Variants in PAG1 observed in about 807,000 individuals in gnomAD.
The protein encoded by PAG1 is phosphoprotein associated with glycosphingolipid-enriched microdomains 1.
A neutral mutation model predicts 31.7 loss-of-function variants in PAG1; 23 were observed. The ratio of observed to expected loss-of-function variants is 0.73; its 90% CI spans 0.52 to 1.03. PAG1 has a LOEUF of 1.03. Ranked by LOEUF, PAG1 falls within the 50% of genes least tolerant of loss-of-function variation. The probability of loss-of-function intolerance (pLI) is 0.00; values close to 1 mark genes in which losing one functional copy is unlikely to be tolerated. For synonymous variants in PAG1, 214 were observed against 210.3 expected (o/e 1.02, Z -0.15); for missense variants, 473 against 540.7 (o/e 0.87, Z 1.24).
At chr8:81,053,032 T>G (rs1808758223) in intron 2 of PAG1, among the ~76,000 whole-genome samples, 1 of 152,236 alleles carries the variant, frequency 6.6e-6, no homozygotes, top group Non-Finnish European at 1.5e-5. Context: ...TCTTCATCAG[T>G]TATTATAGCA....
chr8:81,021,128 G>C (rs1194988705), intron 3 of PAG1, among the ~76,000 whole-genome samples: 2 of 152,202 alleles, frequency 1.3e-5, no homozygotes. Context: ...GCTGGATTTG[G>C]TCTCCAGCTT....
Position 80,999,995 on chromosome 8 carries a change from C to T in PAG1, c.-80-6688G>A, listed in dbSNP as rs115126838. Among the ~76,000 whole-genome samples, 1,204 of 152,116 alleles carry T rather than the reference C, an allele frequency of 7.9e-3. 17 individuals are homozygous for T. Among genetic ancestry groups the T allele is most frequent in the African/African-American group, 0.027 (1,128 of 41,466 alleles). ...TGCACTCTGACAGAACCCTGAGATGCGCTTCTATTTGGGCTAATGCGGTAC... is the reference window on the plus strand; with the variant it reads ...TGCACTCTGACAGAACCCTGAGATGTGCTTCTATTTGGGCTAATGCGGTAC... On this transcript the variant is annotated intron_variant, in intron 3 of 8. Transcript: ENST00000220597.
chr8:81,008,148 G>A (rs1405512927), intron 3 of PAG1, among the ~76,000 whole-genome samples: 2 of 152,104 alleles, frequency 1.3e-5, no homozygotes, highest in Admixed American at 1.3e-4. Context: ...TAACAGTTAC[G>A]TGATTTCTAG....
intron 2 of PAG1, among the ~76,000 whole-genome samples, chr8:81,060,933 G>A (rs1808907376): frequency 6.6e-6 from 1 of 152,230 alleles, no homozygotes; most frequent in Admixed American, 6.5e-5. Context: ...CCATAAAATT[G>A]TATTTAACAG....
At chr8:81,037,945 T>A (rs1185984339) in intron 2 of PAG1, among the ~76,000 whole-genome samples, 2 of 152,252 alleles carry the variant, frequency 1.3e-5, no homozygotes, top group Admixed American at 1.3e-4. Context: ...TGTCTTGGCC[T>A]AATGCACATG....
At chr8:80,985,962 A>G (rs533766709) in intron 6 of PAG1, among the ~76,000 whole-genome samples, 18 of 152,300 alleles carry the variant, frequency 1.2e-4, no homozygotes, top group Admixed American at 5.2e-4. Context: ...AAATTAGAAA[A>G]AAACCAAATG....
chr8:81,044,658 C>A (rs1808610441), intron 2 of PAG1, among the ~76,000 whole-genome samples: 4 of 152,178 alleles, frequency 2.6e-5, no homozygotes, highest in Admixed American at 2.6e-4. Context: ...TCAAGTCCAA[C>A]TCCTTAGAGA....
intron 2 of PAG1, among the ~76,000 whole-genome samples, chr8:81,051,856 C>T (rs911047859): frequency 2.6e-5 from 4 of 152,126 alleles, no homozygotes; most frequent in Non-Finnish European, 5.9e-5. Context: ...ATTGGCCGGG[C>T]GCGGTGGCTC....
At chr8:81,099,738 C>T (rs906105041) in intron 1 of PAG1, among the ~76,000 whole-genome samples, 9 of 152,192 alleles carry the variant, frequency 5.9e-5, no homozygotes, top group African/African-American at 2.2e-4. Context: ...GAACTGCACA[C>T]AGGCACAAGG....
At chr8:81,002,145 G>A (rs1471362569) in intron 3 of PAG1, among the ~76,000 whole-genome samples, 1 of 152,070 alleles carries the variant, frequency 6.6e-6, no homozygotes, top group African/African-American at 2.4e-5. Flanking sequence ...ACTATTTGCA[G>A]TCACGCTCTG....
At chr8:81,048,868 C>A (rs1808683428) in intron 2 of PAG1, among the ~76,000 whole-genome samples, 1 of 152,098 alleles carries the variant, frequency 6.6e-6, no homozygotes, top group African/African-American at 2.4e-5. Context: ...TGTTTCACTG[C>A]AATATATAAT....
At chr8:81,032,591 G>A (rs1808394288) in intron 2 of PAG1, among the ~76,000 whole-genome samples, 1 of 152,194 alleles carries the variant, frequency 6.6e-6, no homozygotes, top group African/African-American at 2.4e-5. Context: ...TTAAGAGGAT[G>A]TAGAGATATC....
intron 1 of PAG1, among the ~76,000 whole-genome samples, chr8:81,109,503 C>T (rs975104097): frequency 1.3e-5 from 2 of 152,162 alleles, no homozygotes; most frequent in Non-Finnish European, 2.9e-5. Context: ...GTGTTAAATA[C>T]CAGTTGGTGT....
intron 2 of PAG1, among the ~76,000 whole-genome samples, chr8:81,064,079 A>G (rs565751973): frequency 1.3e-5 from 2 of 152,348 alleles, no homozygotes; most frequent in African/African-American, 4.8e-5. Context: ...TTAGCTTACA[A>G]GATAGAATTA....
intron 2 of PAG1, among the ~76,000 whole-genome samples, chr8:81,037,645 G>A (rs1808483099): frequency 1.3e-5 from 2 of 152,152 alleles, no homozygotes; most frequent in African/African-American, 4.8e-5. Flanking sequence ...GTGAATAGAA[G>A]ACATATAAAT....
intron 1 of PAG1, among the ~76,000 whole-genome samples, chr8:81,075,813 C>T (rs527423547): frequency 6.6e-6 from 1 of 152,350 alleles, no homozygotes; most frequent in South Asian, 2.1e-4. Flanking sequence ...TCCCGCATCT[C>T]TGAGCATACA....
chr8:81,082,140 C>T (rs867816846), intron 1 of PAG1, among the ~76,000 whole-genome samples: 14 of 151,312 alleles, frequency 9.3e-5, no homozygotes, highest in Middle Eastern at 3.4e-3. Context: ...GTAGTCCCAG[C>T]TACTCGGGAG....
chr8:81,051,191 C>T (rs1341557051), intron 2 of PAG1, among the ~76,000 whole-genome samples: 1 of 152,172 alleles, frequency 6.6e-6, no homozygotes, highest in Non-Finnish European at 1.5e-5. Context: ...GAAGGCTCTG[C>T]TCTTATGTAA....
chr8:81,012,105 C>A (rs1454351022), intron 3 of PAG1, among the ~76,000 whole-genome samples: 1 of 152,160 alleles, frequency 6.6e-6, no homozygotes, highest in Admixed American at 6.6e-5. Context: ...AGGTACATTG[C>A]AGAAAGCATC....
Sources: allele counts gnomAD v4.1 joint callset (sites outside exome capture counted in the v4.1 genomes callset), GRCh38; gene constraint gnomAD v4.1.1; transcripts MANE v1.5; gene names NCBI Gene and HGNC (gene_info 2026-07-23, HGNC 2026-07-21).